Variants in PUM2 observed in about 807,000 individuals in gnomAD.
PUM2 encodes the protein pumilio RNA binding family member 2.
In PUM2, 57 loss-of-function variants were observed where a neutral mutation model predicts 124.5. That is an observed-to-expected ratio of 0.46 (90% CI 0.37 to 0.57). PUM2 has a LOEUF of 0.57. Among genes scored for constraint, PUM2 ranks in the 20% least tolerant of loss-of-function variants. The pLI is 0.00. For synonymous variants in PUM2, 460 were observed against 446.1 expected (o/e 1.03, Z -0.39); for missense variants, 1,065 against 1,290.6 (o/e 0.83, Z 2.68).
At chr2:20,290,133 A>G (rs538302348) in intron 10 of PUM2, among the ~76,000 whole-genome samples, 7 of 152,278 alleles carry the variant, frequency 4.6e-5, no homozygotes, top group South Asian at 4.1e-4. Context: ...TTATACTGTA[A>G]TTTTTTATAC....
At chr2:20,351,354 G>A (rs1689321588), upstream of PUM2, among the ~76,000 whole-genome samples, 1 of 152,170 alleles carries the variant, frequency 6.6e-6, no homozygotes, top group African/African-American at 2.4e-5. Context: ...CCAGACGAGG[G>A]AGATGCATCT....
At chr2:20,291,360 G>C (rs1485058760) in intron 9 of PUM2, among the ~76,000 whole-genome samples, 1 of 152,162 alleles carries the variant, frequency 6.6e-6, no homozygotes, top group Non-Finnish European at 1.5e-5. Flanking sequence ...ACTTCTCCTG[G>C]GGTCACATCT....
rs1244455486 is a variant in PUM2 at position 20,249,861 on chromosome 2, G to A, written c.*1724C>T. On this transcript the variant is annotated 3_prime_UTR_variant, in exon 21 of 21. Transcript: ENST00000361078. ...GTTTTTTTCCAAAATATTTTCATAGGCAAAGGATTAAAAACGATTTTAATT... is the reference window on the plus strand; with the variant it reads ...GTTTTTTTCCAAAATATTTTCATAGACAAAGGATTAAAAACGATTTTAATT... The A allele has an allele frequency of 6.6e-6, 1 of 152,528 alleles. No individual in the cohort carries two copies. The highest frequency in any genetic ancestry group is 1.5e-5 in the Non-Finnish European group (1 of 68,026). The allele number at this position is 152,528 out of a possible 1,614,324, so 9.4% of individuals were successfully genotyped here. A position where few individuals can be genotyped will look rare whatever the true frequency, so the allele number is the denominator to read the frequency against.
At chr2:20,308,105 G>A (rs1171348006) in intron 6 of PUM2, 34 bp from the exon 7 acceptor site, 1 of 1,573,684 alleles carries the variant, frequency 6.4e-7, no homozygotes. Flanking sequence ...AAAGATTAGT[G>A]TCAAAATCTT....
chr2:20,259,472 A>G (rs1387653486), intron 15 of PUM2, among the ~76,000 whole-genome samples: 1 of 152,166 alleles, frequency 6.6e-6, no homozygotes, highest in Admixed American at 6.5e-5. Flanking sequence ...AGTAACCCCT[A>G]ATCTACTTTA....
At chr2:20,280,314 A>G (rs1400868616) in intron 12 of PUM2, among the ~76,000 whole-genome samples, 1 of 152,170 alleles carries the variant, frequency 6.6e-6, no homozygotes, top group Non-Finnish European at 1.5e-5. Flanking sequence ...TTAAGATATC[A>G]TAGTAAGAAA....
chr2:20,347,396 C>G (rs779321050), intron 1 of PUM2, among the ~76,000 whole-genome samples: 1 of 152,118 alleles, frequency 6.6e-6, no homozygotes, highest in Non-Finnish European at 1.5e-5. Context: ...AAAAAAAACA[C>G]TAACATGTCT....
intron 7 of PUM2, among the ~76,000 whole-genome samples, chr2:20,303,928 G>T (rs1043935148): frequency 6.6e-6 from 1 of 152,140 alleles, no homozygotes; most frequent in Non-Finnish European, 1.5e-5. Flanking sequence ...TACATTCTTT[G>T]CACAACTTTA....
At chr2:20,332,002 T>C (rs1040385649) in intron 1 of PUM2, 1 of 152,180 alleles carries the variant, frequency 6.6e-6, no homozygotes, top group African/African-American at 2.4e-5. Flanking sequence ...AACTGTAAAA[T>C]TTGAGTTTCA....
intron 13 of PUM2, among the ~76,000 whole-genome samples, chr2:20,273,678 G>A (rs1377765704): frequency 6.6e-6 from 1 of 152,110 alleles, no homozygotes; most frequent in Non-Finnish European, 1.5e-5. Context: ...GAGGGTTGTA[G>A]CTGTTTTTCA....
rs759790742 is a variant in PUM2 at position 20,260,472 on chromosome 2, T to C, written c.2226-6A>G. The C allele has an allele frequency of 2.5e-6, 4 of 1,600,082 alleles. No homozygotes were observed. Among genetic ancestry groups the C allele is most frequent in the South Asian group, 1.1e-5 (1 of 90,428 alleles). ...CTAGTTTTTGCTGTATGAATCTACATAGGGAACATTTTTAATATGACAATA... is the reference window on the plus strand; with the variant it reads ...CTAGTTTTTGCTGTATGAATCTACACAGGGAACATTTTTAATATGACAATA... On this transcript the variant is annotated splice_region_variant and splice_polypyrimidine_tract_variant and intron_variant, in intron 14 of 20. Coordinates refer to ENST00000361078, the MANE Select transcript of PUM2 (RefSeq NM_015317.5).
At chr2:20,267,196 A>AT (rs34379258) in intron 13 of PUM2, among the ~76,000 whole-genome samples, 7 of 149,674 alleles carry the variant, frequency 4.7e-5, no homozygotes, top group Non-Finnish European at 7.4e-5. Context: ...CTAAGTTTGT[A>AT]TTTTTTTTTA....
At chr2:20,290,253 A>G (rs1049691479) in intron 10 of PUM2, among the ~76,000 whole-genome samples, 1 of 152,238 alleles carries the variant, frequency 6.6e-6, no homozygotes, top group East Asian at 1.9e-4. Flanking sequence ...AGTAAGAAAC[A>G]TTAGCGGCAA....
rs773267101 is a variant in PUM2, at chr2:20,263,372, T to C, written c.2046A>G (p.Leu682=). 1.4e-5 allele frequency: 22 copies of C among 1,614,036 alleles called. No individual in the cohort carries two copies. Among genetic ancestry groups the C allele is most frequent in the Admixed American group, 1.7e-5 (1 of 60,004 alleles). The part of the protein sequence containing the change: ...KYRSASSTSS[L]FSSSSQLFPP... ...GAAAGAGCTGGCTGCTGGAGCTAAA[T>C]AGACTGGAAGTGCTTGAAGCACTTC... is the stretch of plus-strand genomic sequence containing the variant. Residue 682 remains leucine, a synonymous_variant, in exon 14 of 21, where the codon CTA becomes CTG. Coordinates refer to ENST00000361078, the MANE Select transcript of PUM2 (RefSeq NM_015317.5).
chr2:20,296,379 C>A (rs574193194), intron 8 of PUM2, among the ~76,000 whole-genome samples: 1 of 151,882 alleles, frequency 6.6e-6, no homozygotes, highest in African/African-American at 2.4e-5. Context: ...CCTGTAGTCC[C>A]AGCTACTCGG....
chr2:20,262,625 T>C (rs1422081849), intron 14 of PUM2, among the ~76,000 whole-genome samples: 2 of 152,314 alleles, frequency 1.3e-5, no homozygotes, highest in African/African-American at 4.8e-5. Context: ...AAACTTGAGG[T>C]TTACCTTAAA....
intron 7 of PUM2, among the ~76,000 whole-genome samples, chr2:20,305,933 G>C (rs1678158542): frequency 6.6e-6 from 1 of 152,144 alleles, no homozygotes. Context: ...AAGAATACTT[G>C]ATGTCAGCAG....
At chr2:20,306,507 G>T (rs1285908814) in intron 7 of PUM2, among the ~76,000 whole-genome samples, 1 of 151,656 alleles carries the variant, frequency 6.6e-6, no homozygotes, top group Non-Finnish European at 1.5e-5. Context: ...ACAAACAAGG[G>T]ATAAAGCGGG....
chr2:20,347,705 T>G (rs1408729095), intron 1 of PUM2, among the ~76,000 whole-genome samples: 1 of 152,186 alleles, frequency 6.6e-6, no homozygotes, highest in Non-Finnish European at 1.5e-5. Flanking sequence ...AATCCAAAGA[T>G]TTCCTTTACT....
Sources: gnomAD v4.1 joint callset for allele counts (sites outside exome capture counted in the v4.1 genomes callset) on GRCh38, gnomAD v4.1.1 for gene constraint, MANE v1.5 for transcripts, NCBI Gene and HGNC (gene_info 2026-07-23, HGNC 2026-07-21) for gene names.